NXPH1: variants seen among roughly 807,000 people sequenced by gnomAD.
The protein encoded by NXPH1 is neurexophilin-1.
A neutral mutation model predicts 23.7 loss-of-function variants in NXPH1; 5 were observed. That is an observed-to-expected ratio of 0.21 (90% CI 0.11 to 0.44). The LOEUF (loss-of-function observed/expected upper bound fraction) is 0.44, where lower values mean the gene tolerates loss of function less well. Among genes scored for constraint, NXPH1 ranks in the 20% least tolerant of loss-of-function variants. The pLI, the probability that NXPH1 is intolerant of heterozygous loss-of-function variation, is 0.99. For missense variants in NXPH1, 324 were observed against 321.6 expected, an observed-to-expected ratio of 1.01 and a Z score of -0.06; for synonymous variants, 144 against 122.2, an observed-to-expected ratio of 1.18 and a Z score of -1.18.
intron 2 of NXPH1, among the ~76,000 whole-genome samples, chr7:8,679,256 C>T (rs1821013903): frequency 6.6e-6 from 1 of 151,874 alleles, no homozygotes; most frequent in Non-Finnish European, 1.5e-5. Context: ...CTGCTTTATC[C>T]AATTCTTATT....
chr7:8,623,684 T>TATTTTTTTTTTTTCTTTCTC (rs879750283), intron 2 of NXPH1, among the ~76,000 whole-genome samples: 112 of 150,002 alleles, frequency 7.5e-4, no homozygotes, highest in Middle Eastern at 3.4e-3. Flanking sequence ...AAGTTCTTAT[T>TATTTTTTTTTTTTCTTTCTC]TTTAAGAGAT....
At chr7:8,613,937 T>A (rs10269097) in intron 2 of NXPH1, among the ~76,000 whole-genome samples, 3,440 of 151,926 alleles carry the variant, frequency 0.023, 146 homozygotes, top group African/African-American at 0.079. Context: ...ATATCATAAA[T>A]CATAATCTTA....
At chr7:8,730,101 T>C (rs1780124025) in intron 2 of NXPH1, among the ~76,000 whole-genome samples, 1 of 151,830 alleles carries the variant, frequency 6.6e-6, no homozygotes, top group African/African-American at 2.4e-5. Flanking sequence ...GTAATGGCCT[T>C]CTTTGTCTCT....
chr7:8,744,187 A>G (rs866985089), intron 2 of NXPH1, among the ~76,000 whole-genome samples: 1 of 152,228 alleles, frequency 6.6e-6, no homozygotes, highest in African/African-American at 2.4e-5. Flanking sequence ...TTAAAAATGC[A>G]TACACTTATG....
intron 2 of NXPH1, among the ~76,000 whole-genome samples, chr7:8,714,216 C>T (rs1280622312): frequency 4.6e-5 from 7 of 152,108 alleles, no homozygotes; most frequent in Admixed American, 4.6e-4. Flanking sequence ...GTGTCCATCA[C>T]CACCATAGGC....
intron 2 of NXPH1, among the ~76,000 whole-genome samples, chr7:8,589,804 C>A (rs1819054525): frequency 6.6e-6 from 1 of 152,004 alleles, no homozygotes; most frequent in African/African-American, 2.4e-5. Flanking sequence ...CAATAGATAG[C>A]CACCATCCAG....
chr7:8,481,050 T>C (rs184097841), intron 2 of NXPH1, among the ~76,000 whole-genome samples: 10 of 152,334 alleles, frequency 6.6e-5, no homozygotes, highest in African/African-American at 1.7e-4. Flanking sequence ...ACACATGTAC[T>C]ATATTGTGTT....
At chr7:8,437,146 G>A (rs1470923632) in intron 2 of NXPH1, among the ~76,000 whole-genome samples, 2 of 152,166 alleles carry the variant, frequency 1.3e-5, no homozygotes, top group Non-Finnish European at 2.9e-5. Context: ...GAAAGCCAGG[G>A]CAGCCAATCC....
At chr7:8,465,662 C>G (rs1161855798) in intron 2 of NXPH1, among the ~76,000 whole-genome samples, 1 of 152,208 alleles carries the variant, frequency 6.6e-6, no homozygotes, top group Non-Finnish European at 1.5e-5. Context: ...GCTGCTGACA[C>G]TCTGCTCTCC....
chr7:8,590,050 T>C (rs1819060588), intron 2 of NXPH1, among the ~76,000 whole-genome samples: 1 of 152,084 alleles, frequency 6.6e-6, no homozygotes, highest in Non-Finnish European at 1.5e-5. Flanking sequence ...TGAGAGGCTA[T>C]GACAGTGAGC....
At chr7:8,459,668 T>C (rs1276501181) in intron 2 of NXPH1, among the ~76,000 whole-genome samples, 1 of 152,092 alleles carries the variant, frequency 6.6e-6, no homozygotes, top group Non-Finnish European at 1.5e-5. Flanking sequence ...TCCTCAAGAC[T>C]GAAAGAGACT....
chr7:8,488,969 G>C (rs1584189513), intron 2 of NXPH1, among the ~76,000 whole-genome samples: 1 of 152,098 alleles, frequency 6.6e-6, no homozygotes, highest in South Asian at 2.1e-4. Context: ...TTCTCTTAAT[G>C]TCCCAATACT....
At position 8,751,504 on chromosome 7, in the gene NXPH1, T is replaced by C. The variant is rs1274313201; in HGVS notation, c.551T>C (p.Ile184Thr). 1 of 1,613,750 alleles carries C rather than the reference T, an allele frequency of 6.2e-7. No individual in the cohort carries two copies. The highest frequency in any genetic ancestry group is 1.6e-4 in the Middle Eastern group (1 of 6,062). ...VEFDLAQQTVIDAKDSKSFNC... is the reference protein window; with the variant it reads ...VEFDLAQQTVTDAKDSKSFNC... ...TTTGACTTGGCACAACAAACCGTGA[T>C]TGATGCCAAAGATTCCAAGTCTTTT... Residue 184 changes from isoleucine to threonine, a missense_variant, in exon 3 of 3, where the codon ATT (isoleucine) becomes ACT (threonine). Physicochemically the swap from Ile to Thr is moderately conservative, Grantham distance 89. Coordinates refer to ENST00000405863, the MANE Select transcript of NXPH1 (RefSeq NM_152745.3). The surrounding 1 kb of genome is among the most constrained non-coding windows in gnomAD (Gnocchi z 4.5).
chr7:8,603,759 A>G lies in NXPH1; in HGVS notation c.55-147249A>G, dbSNP rs1277769337. Among the ~76,000 whole-genome samples, 4 of 152,070 alleles carry G rather than the reference A, an allele frequency of 2.6e-5. No individual in the cohort carries two copies. The South Asian group carries it at 6.2e-4, about 24-fold the overall frequency. ...ATCTTAGTAGGAAGGAATGCATTTT[A>G]TCTTTCACCACACTGTGTAATCTCC... On this transcript the variant is annotated intron_variant, in intron 2 of 2. Coordinates refer to ENST00000405863, the MANE Select transcript of NXPH1 (RefSeq NM_152745.3).
intron 2 of NXPH1, among the ~76,000 whole-genome samples, chr7:8,655,253 C>T (rs1198392865): frequency 6.6e-6 from 1 of 152,016 alleles, no homozygotes; most frequent in East Asian, 1.9e-4. Flanking sequence ...GCCGTGGTGG[C>T]ATGTGTCCAT....
rs930617538 is a variant in NXPH1, at chr7:8,650,958, A to G, written c.55-100050A>G. 2.6e-5 allele frequency among the ~76,000 whole-genome samples: 4 copies of G among 152,130 alleles called. No homozygotes were observed. In the South Asian group the frequency reaches 8.3e-4, roughly 31 times the overall value. ...CAAAAGATGGGATTTCATTTGAGACATAATATTTATTTATTTATTTATTAT... is the reference window on the plus strand; with the variant it reads ...CAAAAGATGGGATTTCATTTGAGACGTAATATTTATTTATTTATTTATTAT... On this transcript the variant is annotated intron_variant, in intron 2 of 2. Coordinates refer to ENST00000405863, the MANE Select transcript of NXPH1 (RefSeq NM_152745.3).
At chr7:8,594,487 A>G (rs1819171763) in intron 2 of NXPH1, among the ~76,000 whole-genome samples, 1 of 152,090 alleles carries the variant, frequency 6.6e-6, no homozygotes, top group African/African-American at 2.4e-5. Context: ...TCAGCAGCAT[A>G]GATGCATAGT....
At chr7:8,468,400 G>A (rs1281929679) in intron 2 of NXPH1, among the ~76,000 whole-genome samples, 3 of 152,084 alleles carry the variant, frequency 2.0e-5, no homozygotes, top group African/African-American at 2.4e-5. Flanking sequence ...CTTTGAAAAT[G>A]CTGACCGTTA....
intron 2 of NXPH1, among the ~76,000 whole-genome samples, chr7:8,639,130 T>A (rs755627009): frequency 1.3e-5 from 2 of 152,182 alleles, no homozygotes; most frequent in Non-Finnish European, 2.9e-5. Context: ...ATAACAGAAT[T>A]ACTAAAAAAT....
Sources: gnomAD v4.1 joint callset for allele counts (sites outside exome capture counted in the v4.1 genomes callset) on GRCh38, gnomAD v4.1.1 for gene constraint, Gnocchi (gnomAD v3.1) non-coding constraint, MANE v1.5 for transcripts, NCBI Gene and HGNC (gene_info 2026-07-23, HGNC 2026-07-21) for gene names.